SEL1L2: variants seen among roughly 807,000 people sequenced by gnomAD.
The protein encoded by SEL1L2 is protein sel-1 homolog 2.
SEL1L2 carries 89 observed loss-of-function variants against 98.8 expected under a neutral mutation model. That is an observed-to-expected ratio of 0.90 (90% confidence interval 0.76 to 1.07). The LOEUF (loss-of-function observed/expected upper bound fraction) is 1.07. Ranked by LOEUF, SEL1L2 falls within the 50% of genes least tolerant of loss-of-function variation. SEL1L2 has a pLI of 0.00. For synonymous variants in SEL1L2, 262 were observed against 278.5 expected, an observed-to-expected ratio of 0.94 and a Z score of 0.59; for missense variants, 788 against 812.0, an observed-to-expected ratio of 0.97 and a Z score of 0.36.
intron 2 of SEL1L2, among the ~76,000 whole-genome samples, chr20:13,952,199 C>G (rs1299270886): frequency 6.6e-6 from 1 of 152,168 alleles, no homozygotes; most frequent in Non-Finnish European, 1.5e-5. Flanking sequence ...AGTCCATGTA[C>G]CCCTACCAAG....
chr20:13,974,438 A>G (rs1447464390), intron 1 of SEL1L2, among the ~76,000 whole-genome samples: 1 of 141,492 alleles, frequency 7.1e-6, no homozygotes, highest in African/African-American at 2.7e-5. Context: ...GGCTGCTCCT[A>G]CTGCTTTTTA....
chr20:13,912,082 G>A (rs2048226111), intron 5 of SEL1L2, among the ~76,000 whole-genome samples: 1 of 151,946 alleles, frequency 6.6e-6, no homozygotes, highest in Admixed American at 6.6e-5. Flanking sequence ...TAGAGATATA[G>A]CAGTGAACGA....
chr20:13,948,462 T>C (rs1207543885), intron 2 of SEL1L2, among the ~76,000 whole-genome samples: 1 of 152,166 alleles, frequency 6.6e-6, no homozygotes, highest in Non-Finnish European at 1.5e-5. Context: ...TTCTCATATA[T>C]GATCAAATGA....
Position 13,859,277 on chromosome 20 carries a change from G to A in SEL1L2, c.1803C>T (p.Gly601=). Residue 601 remains glycine, a synonymous_variant, in exon 18 of 20, where the codon GGC becomes GGT. Coordinates refer to ENST00000284951, the MANE Select transcript of SEL1L2 (RefSeq NM_025229.2). ...GCAAAATTACCTTTGTGATGCCTAA[G>A]CCGTGTTCATACATATAAGCCAGAT... ...MFNLAYMYEH[G]LGITKDIHLA... 3 of 1,614,066 alleles carry A rather than the reference G, an allele frequency of 1.9e-6. No homozygotes were observed. Among genetic ancestry groups the A allele is most frequent in the Non-Finnish European group, 1.7e-6 (2 of 1,179,968 alleles).
At chr20:13,863,948 G>C (rs1189085255) in intron 17 of SEL1L2, among the ~76,000 whole-genome samples, 1 of 142,964 alleles carries the variant, frequency 7.0e-6, no homozygotes, top group Non-Finnish European at 1.5e-5. Flanking sequence ...CCAGCCTGGA[G>C]ACAGAGCAAG....
At chr20:13,960,463 C>T (rs1200137795) in intron 1 of SEL1L2, among the ~76,000 whole-genome samples, 3 of 152,164 alleles carry the variant, frequency 2.0e-5, no homozygotes, top group Non-Finnish European at 1.5e-5. Context: ...TAAAACATAA[C>T]ATGAAGACAA....
chr20:13,849,883 C>T (rs1987939895), intron 19 of SEL1L2: 2 of 543,668 alleles, frequency 3.7e-6, no homozygotes, highest in South Asian at 2.2e-5. Context: ...CCAGTCTCGG[C>T]TATTGATGGT....
At chr20:13,967,602 A>T (rs1328206452) in intron 1 of SEL1L2, among the ~76,000 whole-genome samples, 2 of 152,138 alleles carry the variant, frequency 1.3e-5, no homozygotes, top group Non-Finnish European at 2.9e-5. Context: ...ACTTTCAACC[A>T]TATGGGGGCA....
At chr20:13,894,368 T>C (rs13036689) in intron 5 of SEL1L2, among the ~76,000 whole-genome samples, 11,639 of 152,230 alleles carry the variant, frequency 0.076, 482 homozygotes, top group African/African-American at 0.095. Context: ...GAGACCAAGC[T>C]GGCCAAAATG....
rs752836544 is a variant in SEL1L2 at position 13,850,177 on chromosome 20, C to T, written c.1947+14G>A. ...GACTTTCAGAGATTCAGGACCTGTT[C>T]AAGACAAACTTACATTAAAAAACAG... On this transcript the variant is annotated intron_variant, in intron 19 of 19. Transcript: ENST00000284951. The T allele has an allele frequency of 6.2e-7, 1 of 1,613,360 alleles. No individual in the cohort carries two copies. The highest frequency in any genetic ancestry group is 2.2e-5 in the East Asian group (1 of 44,830).
Position 13,913,878 on chromosome 20 carries a change from G to T in SEL1L2, c.453C>A (p.Asp151Glu). 1.3e-6 allele frequency: 2 copies of T among 1,564,650 alleles called. No individual in the cohort carries two copies. Residue 151 changes from aspartate (D) to glutamate (E), a missense_variant, in exon 5 of 20, where the codon GAC (aspartate) becomes GAA (glutamate). Coordinates refer to ENST00000284951, the MANE Select transcript of SEL1L2 (RefSeq NM_025229.2). ...GNLKAMEKMA[D>E]ALLFGNFGVQ... Reference sequence around the variant, plus strand: ...CGCCAAAATTTCCAAATAGCAAAGCGTCAGCCATTTTCTCCATAGCTTTCA... The same window carrying T: ...CGCCAAAATTTCCAAATAGCAAAGCTTCAGCCATTTTCTCCATAGCTTTCA...
At chr20:13,889,111 C>A (rs1373559134) in intron 5 of SEL1L2, among the ~76,000 whole-genome samples, 1 of 151,754 alleles carries the variant, frequency 6.6e-6, no homozygotes, top group African/African-American at 2.4e-5. Flanking sequence ...AGGTGCCCAC[C>A]ACCACACTGG....
intron 4 of SEL1L2, 76 bp from the exon 5 acceptor site, chr20:13,914,020 T>C: frequency 4.8e-6 from 6 of 1,262,390 alleles, no homozygotes; most frequent in Non-Finnish European, 6.5e-6. Context: ...CTATTCATAC[T>C]ACTTCTCTCT....
intron 2 of SEL1L2, among the ~76,000 whole-genome samples, chr20:13,945,556 A>G (rs2049970523): frequency 6.6e-6 from 1 of 151,916 alleles, no homozygotes; most frequent in East Asian, 1.9e-4. Flanking sequence ...CTCTTCCAAA[A>G]AATTGCAGAG....
intron 1 of SEL1L2, among the ~76,000 whole-genome samples, chr20:13,989,056 T>C (rs1263738722): frequency 6.6e-6 from 1 of 152,184 alleles, no homozygotes; most frequent in Non-Finnish European, 1.5e-5. Context: ...GTGTTGAATA[T>C]GTAGATCAAT....
intron 3 of SEL1L2, among the ~76,000 whole-genome samples, chr20:13,924,271 G>A (rs79154416): frequency 6.8e-6 from 1 of 146,938 alleles, no homozygotes; most frequent in African/African-American, 2.5e-5. Context: ...TCTTCAACTT[G>A]GTTTTTTTTT....
chr20:13,905,468 G>A (rs990361376), intron 5 of SEL1L2, among the ~76,000 whole-genome samples: 1 of 151,770 alleles, frequency 6.6e-6, no homozygotes, highest in Non-Finnish European at 1.5e-5. Context: ...CAACCACCAT[G>A]CCCGGCTAAT....
At chr20:13,946,368 G>C (rs1327169792) in intron 2 of SEL1L2, among the ~76,000 whole-genome samples, 1 of 152,108 alleles carries the variant, frequency 6.6e-6, no homozygotes, top group Non-Finnish European at 1.5e-5. Context: ...TAAGGAAATT[G>C]AGGAAACAAT....
At chr20:13,983,422 T>C (rs1250004026) in intron 1 of SEL1L2, among the ~76,000 whole-genome samples, 1 of 152,030 alleles carries the variant, frequency 6.6e-6, no homozygotes, top group East Asian at 1.9e-4. Context: ...AGAAATAGGG[T>C]AGAGGGGCAG....
Sources: gnomAD v4.1 joint callset for allele counts (sites outside exome capture counted in the v4.1 genomes callset) on GRCh38, gnomAD v4.1.1 for gene constraint, MANE v1.5 for transcripts, NCBI Gene and HGNC (gene_info 2026-07-23, HGNC 2026-07-21) for gene names.